Variants in NME7 observed in about 807,000 individuals in gnomAD.
NME7 encodes nucleoside diphosphate kinase 7.
In NME7, 41 loss-of-function variants were observed where a neutral mutation model predicts 49.1. That is an observed-to-expected ratio of 0.83 (90% CI 0.65 to 1.08). The LOEUF (loss-of-function observed/expected upper bound fraction) is 1.08, where lower values mean the gene tolerates loss of function less well. Among genes scored for constraint, NME7 ranks in the 50% least tolerant of loss-of-function variants. NME7 has a pLI of 0.00. For synonymous variants in NME7, 139 were observed against 150.6 expected (o/e 0.92, Z 0.56); for missense variants, 423 against 463.4 (o/e 0.91, Z 0.80).
intron 7 of NME7, among the ~76,000 whole-genome samples, chr1:169,241,185 CA>C (rs1648071771): frequency 6.6e-6 from 1 of 151,990 alleles, no homozygotes; most frequent in Non-Finnish European, 1.5e-5. Context: ...ATTTGAGGAT[CA>C]AAAAGTAATA....
intron 3 of NME7, among the ~76,000 whole-genome samples, chr1:169,311,258 A>G (rs1179947978): frequency 2.6e-5 from 4 of 152,128 alleles, no homozygotes; most frequent in African/African-American, 9.6e-5. Flanking sequence ...CTCTACTAAA[A>G]ATACAAAAAA....
intron 7 of NME7, among the ~76,000 whole-genome samples, chr1:169,246,815 G>T (rs1648337530): frequency 6.6e-6 from 1 of 152,164 alleles, no homozygotes; most frequent in Non-Finnish European, 1.5e-5. Flanking sequence ...CTGGCCTGAA[G>T]TGATCTTCCC....
At chr1:169,317,448 T>C (rs563191274) in intron 3 of NME7, among the ~76,000 whole-genome samples, 3 of 152,180 alleles carry the variant, frequency 2.0e-5, no homozygotes, top group Admixed American at 6.5e-5. Flanking sequence ...GTTGGGTCTA[T>C]CGTATAATCA....
intron 1 of NME7, among the ~76,000 whole-genome samples, chr1:169,333,540 G>A (rs1168347461): frequency 8.4e-6 from 1 of 118,448 alleles, no homozygotes; most frequent in African/African-American, 2.7e-5. Flanking sequence ...TGAGGGGACA[G>A]AGCACATTCA....
intron 3 of NME7, among the ~76,000 whole-genome samples, chr1:169,320,025 C>G (rs1651794781): frequency 6.6e-6 from 1 of 152,148 alleles, no homozygotes; most frequent in Non-Finnish European, 1.5e-5. Flanking sequence ...GAATAGCTGT[C>G]TATTCATATA....
intron 10 of NME7, among the ~76,000 whole-genome samples, chr1:169,198,023 C>G (rs1277802588): frequency 1.3e-5 from 2 of 151,788 alleles, no homozygotes; most frequent in Non-Finnish European, 2.9e-5. Context: ...ATAAAAATGA[C>G]TTAATTTAAA....
At chr1:169,225,732 AC>A (rs1474814620) in intron 10 of NME7, among the ~76,000 whole-genome samples, 1 of 152,146 alleles carries the variant, frequency 6.6e-6, no homozygotes, top group Non-Finnish European at 1.5e-5. Context: ...CTCTTTGGAC[AC>A]CACTTCTAGA....
intron 1 of NME7, among the ~76,000 whole-genome samples, chr1:169,361,759 T>A (rs1571422302): frequency 6.9e-6 from 1 of 145,466 alleles, no homozygotes; most frequent in Non-Finnish European, 1.5e-5. Context: ...CACAGCCGGG[T>A]CGACAGAACA....
At chr1:169,224,210 T>C (rs1379731612) in intron 10 of NME7, among the ~76,000 whole-genome samples, 2 of 152,188 alleles carry the variant, frequency 1.3e-5, no homozygotes, top group African/African-American at 4.8e-5. Context: ...CATCTGGCAC[T>C]GGGCTGCCTC....
chr1:169,228,176 T>A (rs1647425193), intron 10 of NME7, among the ~76,000 whole-genome samples: 3 of 152,066 alleles, frequency 2.0e-5, no homozygotes, highest in African/African-American at 7.2e-5. Context: ...CCCAAAATGC[T>A]GGGATTACAG....
rs1316087599 is a variant in NME7, at chr1:169,273,073, T to C, written c.754+14230A>G. On this transcript the variant is annotated intron_variant, in intron 7 of 11. Transcript: ENST00000367811. ...TGATGTTGAGCTTTTTTTAAAATTA[T>C]TATACTTTAAGTTCTAAGTTACATG... Among the ~76,000 whole-genome samples the C allele has an allele frequency of 1.5e-5, 2 of 133,948 alleles. 1 individual carries two copies. Among genetic ancestry groups the C allele is most frequent in the Non-Finnish European group, 3.5e-5 (2 of 56,918 alleles). 87.9% of individuals were successfully genotyped at this position (133,948 alleles called of 152,430 possible).
rs1310889462 is a variant in NME7, at chr1:169,342,488, TA to T, written c.4-17989del. Among the ~76,000 whole-genome samples, 113 of 138,186 alleles carry T rather than the reference TA, an allele frequency of 8.2e-4. 2 individuals carry two copies. Among genetic ancestry groups the T allele is most frequent in the African/African-American group, 2.9e-3 (112 of 38,142 alleles). 90.7% of individuals were successfully genotyped at this position (138,186 alleles called of 152,430 possible). A position where few individuals can be genotyped will look rare whatever the true frequency, so the allele number is the denominator to read the frequency against. On this transcript the variant is annotated intron_variant, in intron 1 of 11. Coordinates refer to ENST00000367811, the MANE Select transcript of NME7 (RefSeq NM_013330.5). ...GTACATATATATACTTGTATTAGTA[TA>T]TATATATATACAAGTACATATATAT...
intron 10 of NME7, among the ~76,000 whole-genome samples, chr1:169,179,349 C>T (rs1659859191): frequency 6.6e-6 from 1 of 152,158 alleles, no homozygotes. Context: ...AATGCTTTTA[C>T]ACTGTTGGTG....
In NME7 at chr1:169,132,579, T is replaced by A. The variant is rs1227779204; in HGVS notation, c.*206A>T. 4 of 468,322 alleles carry A rather than the reference T, an allele frequency of 8.5e-6. No individual in the cohort carries two copies. The highest frequency in any genetic ancestry group is 1.5e-5 in the Non-Finnish European group (4 of 266,614). The allele number at this position is 468,322 out of a possible 1,614,324, so 29.0% of individuals were successfully genotyped here. ...TTGAACTTTATAAAAAGCAATGCAG[T>A]ACCCCATAGACTGGTGTTAAATGTT... is the stretch of plus-strand genomic sequence containing the variant. On this transcript the variant is annotated 3_prime_UTR_variant, in exon 12 of 12. Transcript: ENST00000367811.
intron 7 of NME7, among the ~76,000 whole-genome samples, chr1:169,267,624 C>A (rs939185128): frequency 7.5e-6 from 1 of 133,012 alleles, no homozygotes; most frequent in African/African-American, 2.5e-5. Flanking sequence ...CACACACCTA[C>A]AACCATCTGA....
At chr1:169,292,277 T>C (rs535887045) in intron 6 of NME7, among the ~76,000 whole-genome samples, 4 of 152,202 alleles carry the variant, frequency 2.6e-5, no homozygotes, top group African/African-American at 4.8e-5. Flanking sequence ...GTGGGAACAG[T>C]TTGTTAGACT....
At chr1:169,203,168 A>ACAAAGAAATATGGAGTAAGT (rs1660593719) in intron 10 of NME7, among the ~76,000 whole-genome samples, 1 of 152,164 alleles carries the variant, frequency 6.6e-6, no homozygotes, top group Non-Finnish European at 1.5e-5. Flanking sequence ...AGTAAGGGGA[A>ACAAAGAAATATGGAGTAAGT]CAAAGAAATA....
At chr1:169,145,397 T>A (rs1320965) in intron 11 of NME7, among the ~76,000 whole-genome samples, 60,010 of 151,960 alleles carry the variant, frequency 0.39, 12,204 homozygotes, top group East Asian at 0.74. Context: ...GCTAATTCAC[T>A]CAATTCTGTT....
At chr1:169,151,770 C>T (rs144150178) in intron 11 of NME7, among the ~76,000 whole-genome samples, 3 of 152,230 alleles carry the variant, frequency 2.0e-5, no homozygotes, top group East Asian at 1.9e-4. Context: ...TTCCAGACCT[C>T]GGTCAGTATC....
Sources: allele counts gnomAD v4.1 joint callset (sites outside exome capture counted in the v4.1 genomes callset), GRCh38; gene constraint gnomAD v4.1.1; transcripts MANE v1.5; gene names NCBI Gene and HGNC (gene_info 2026-07-23, HGNC 2026-07-21).